The following HSD3B7 variants were observed in gnomAD, a reference collection of about 807,000 sequenced individuals.
HSD3B7 encodes the protein 3 beta-hydroxysteroid dehydrogenase type 7.
In HSD3B7, 35 loss-of-function variants were observed where a neutral mutation model predicts 34.3. The ratio of observed to expected loss-of-function variants is 1.02; its 90% CI spans 0.78 to 1.35. The LOEUF (loss-of-function observed/expected upper bound fraction) is 1.35. HSD3B7 is among the 40% of genes most tolerant of loss of function. The probability of loss-of-function intolerance (pLI) is 0.00; values close to 1 mark genes in which losing one functional copy is unlikely to be tolerated. For missense variants in HSD3B7, 426 were observed against 504.7 expected (o/e 0.84, Z 1.49); for synonymous variants, 217 against 220.1 (o/e 0.99, Z 0.13).
Position 30,988,406 on chromosome 16 carries a change from C to A in HSD3B7, c.*223C>A, listed in dbSNP as rs1029003747. 3.6e-6 allele frequency: 2 copies of A among 551,222 alleles called. No homozygotes were observed. The highest frequency in any genetic ancestry group is 6.5e-6 in the Non-Finnish European group (2 of 308,502). 34.1% of individuals were successfully genotyped at this position (551,222 alleles called of 1,614,324 possible). ...GGAGTGCAGTGGTGTGATCATAGCT[C>A]ACTGCACCCTCAACCTCCTGGGTTC... is the stretch of plus-strand genomic sequence containing the variant. On this transcript the variant is annotated 3_prime_UTR_variant, in exon 7 of 7. Coordinates refer to ENST00000297679, the MANE Select transcript of HSD3B7 (RefSeq NM_025193.4).
chr16:30,987,766 A>G lies in HSD3B7; in HGVS notation c.695-2A>G, dbSNP rs772393487. Reference sequence around the variant, plus strand: ...TGTCCGCCTCTCTTCCGCCACCGGCAGGCAATGTTGCCTGGATGCACGTGC... The same window carrying G: ...TGTCCGCCTCTCTTCCGCCACCGGCGGGCAATGTTGCCTGGATGCACGTGC... On this transcript the variant is annotated splice_acceptor_variant, in intron 6 of 6. Coordinates refer to ENST00000297679, the MANE Select transcript of HSD3B7 (RefSeq NM_025193.4). LOFTEE classifies it high-confidence loss of function. 2 of 1,611,758 alleles carry G rather than the reference A, an allele frequency of 1.2e-6. No individual in the cohort carries two copies. Among genetic ancestry groups the G allele is most frequent in the Non-Finnish European group, 1.7e-6 (2 of 1,179,982 alleles).
In HSD3B7 at chr16:30,988,444, T is replaced by C. The variant is rs1011515769; in HGVS notation, c.*261T>C. 1.7e-5 allele frequency: 8 copies of C among 473,232 alleles called. No homozygotes were observed. The highest frequency in any genetic ancestry group is 2.3e-5 in the Non-Finnish European group (6 of 260,530). 29.3% of individuals were successfully genotyped at this position (473,232 alleles called of 1,614,324 possible). A position where few individuals can be genotyped will look rare whatever the true frequency, so the allele number is the denominator to read the frequency against. On this transcript the variant is annotated 3_prime_UTR_variant, in exon 7 of 7. Coordinates refer to ENST00000297679, the MANE Select transcript of HSD3B7 (RefSeq NM_025193.4). ...ACCTCCTGGGTTCAAGCAATCCTCC[T>C]GCCTCAGCCTCCTGAACAGCTGGGA...
Position 30,988,388 on chromosome 16 carries a change from A to C in HSD3B7, c.*205A>C. On this transcript the variant is annotated 3_prime_UTR_variant, in exon 7 of 7. Coordinates refer to ENST00000297679, the MANE Select transcript of HSD3B7 (RefSeq NM_025193.4). Reference sequence around the variant, plus strand: ...TGCTCTGTCACCCAGACTGGAGTGCAGTGGTGTGATCATAGCTCACTGCAC... The same window carrying C: ...TGCTCTGTCACCCAGACTGGAGTGCCGTGGTGTGATCATAGCTCACTGCAC... 1.7e-6 allele frequency: 1 copy of C among 587,794 alleles called. No individual in the cohort carries two copies. The allele number at this position is 587,794 out of a possible 1,614,324, so 36.4% of individuals were successfully genotyped here.
At position 30,988,901 on chromosome 16, in the gene HSD3B7, G is replaced by T; in HGVS notation, c.*718G>T. On this transcript the variant is annotated 3_prime_UTR_variant, in exon 7 of 7. Coordinates refer to ENST00000297679, the MANE Select transcript of HSD3B7 (RefSeq NM_025193.4). ...CCACACGCGACCCTCGGTGCAGAGTGCAGAGGCGGCTCTGGTTCCTCCAGC... is the reference window on the plus strand; with the variant it reads ...CCACACGCGACCCTCGGTGCAGAGTTCAGAGGCGGCTCTGGTTCCTCCAGC... The T allele has an allele frequency of 6.6e-6, 1 of 152,444 alleles. No homozygotes were observed. The allele number at this position is 152,444 out of a possible 1,614,324, so 9.4% of individuals were successfully genotyped here.
chr16:30,988,204 G>A lies in HSD3B7; in HGVS notation c.*21G>A, dbSNP rs1175734699. Reference sequence around the variant, plus strand: ...AGTGACGGTGGGGCTGGGGCCTGGAGGCCCAGATACAGCACATCCACCCAG... The same window carrying A: ...AGTGACGGTGGGGCTGGGGCCTGGAAGCCCAGATACAGCACATCCACCCAG... On this transcript the variant is annotated 3_prime_UTR_variant, in exon 7 of 7. Transcript: ENST00000297679. 2.5e-6 allele frequency: 4 copies of A among 1,573,992 alleles called. No homozygotes were observed. The highest frequency in any genetic ancestry group is 1.4e-5 in the African/African-American group (1 of 73,930).
chr16:30,986,580 TGA>T, intron 4 of HSD3B7, 23 bp from the exon 5 acceptor site: 1 of 1,613,378 alleles, frequency 6.2e-7, no homozygotes, highest in Non-Finnish European at 8.5e-7. Context: ...CCCTCAGCAT[TGA>T]GTCTTCCTTC....
rs2056525730 is a variant in HSD3B7 at position 30,988,839 on chromosome 16, G to A, written c.*656G>A. On this transcript the variant is annotated 3_prime_UTR_variant, in exon 7 of 7. Coordinates refer to ENST00000297679, the MANE Select transcript of HSD3B7 (RefSeq NM_025193.4). Reference sequence around the variant, plus strand: ...TTCTGGCTTTCTGAGCAGGAAGCGAGCAGAGGCTCCACAGGCTTACGCTGC... The same window carrying A: ...TTCTGGCTTTCTGAGCAGGAAGCGAACAGAGGCTCCACAGGCTTACGCTGC... 6.5e-6 allele frequency: 1 copy of A among 152,876 alleles called. No individual in the cohort carries two copies. Among genetic ancestry groups the A allele is most frequent in the Non-Finnish European group, 1.5e-5 (1 of 68,562 alleles). 9.5% of individuals were successfully genotyped at this position (152,876 alleles called of 1,614,324 possible).
intron 1 of HSD3B7, 108 bp from the exon 2 acceptor site, chr16:30,985,545 C>T (rs751353899): frequency 2.0e-6 from 3 of 1,531,492 alleles, no homozygotes; most frequent in South Asian, 2.4e-5. Flanking sequence ...CAGCTCTGCC[C>T]TCCCCGCAAA....
At position 30,985,737 on chromosome 16, in the gene HSD3B7, C is replaced by T. The variant is rs139399987; in HGVS notation, c.79C>T (p.Arg27Ter). The change falls in exon 2 of 7, where the codon CGA becomes TGA. Residue 27 changes from arginine to a stop codon, truncating the protein, a stop_gained. Coordinates refer to ENST00000297679, the MANE Select transcript of HSD3B7 (RefSeq NM_025193.4). LOFTEE classifies it high-confidence loss of function. ...GCGFLGEHVV[R>*]MLLQREPRLG... ...TGGCTTCCTGGGAGAGCACGTGGTG[C>T]GAATGCTGCTGCAGCGGGAGCCCCG... 3.9e-5 allele frequency: 63 copies of T among 1,607,942 alleles called. No homozygotes were observed. The highest frequency in any genetic ancestry group is 5.2e-5 in the Non-Finnish European group (61 of 1,178,710).
At chr16:30,985,956 C>T in intron 2 of HSD3B7, 93 bp from the exon 3 acceptor site, 1 of 1,577,558 alleles carries the variant, frequency 6.3e-7, no homozygotes, top group Non-Finnish European at 8.7e-7. Flanking sequence ...GAGTGAGTCA[C>T]ATTGGGAACG....
At chr16:30,987,599 A>G in intron 6 of HSD3B7, 169 bp from the exon 7 acceptor site, 1 of 739,748 alleles carries the variant, frequency 1.4e-6, no homozygotes, top group Non-Finnish European at 2.3e-6. Context: ...CTGGCCCAGG[A>G]GAGCAAGTGA....
In HSD3B7 at chr16:30,988,092, G is replaced by T; in HGVS notation, c.1019G>T (p.Arg340Leu). 6.2e-7 allele frequency: 1 copy of T among 1,605,844 alleles called. No individual in the cohort carries two copies. ...ACCGTCAGCACCGACAAGGCTCAGC[G>T]CCATTTCGGCTATGAGCCCCTGTTC... ...TFTVSTDKAQRHFGYEPLFSW... is the reference protein window; with the variant it reads ...TFTVSTDKAQLHFGYEPLFSW... Residue 340 changes from arginine (R) to leucine (L), a missense_variant, in exon 7 of 7, where the codon CGC becomes CTC. Physicochemically the swap from Arg to Leu is moderately radical, Grantham distance 102 (BLOSUM62 -2). Coordinates refer to ENST00000297679, the MANE Select transcript of HSD3B7 (RefSeq NM_025193.4).
rs199909008 is a variant in HSD3B7, at chr16:30,986,526, C to T, written c.426C>T (p.Phe142=). The change falls in exon 4 of 7, where the codon TTC becomes TTT. Residue 142 remains phenylalanine, a synonymous_variant. Coordinates refer to ENST00000297679, the MANE Select transcript of HSD3B7 (RefSeq NM_025193.4). ...VVGPNTKGHP[F]YRGNEDTPYE... is the part of the protein sequence containing the mutation. ...GGCCTAACACCAAAGGTCACCCCTT[C>T]TACAGGTGAGTGGCAGGCCCTCTTG... 3 of 1,613,744 alleles carry T rather than the reference C, an allele frequency of 1.9e-6. No homozygotes were observed. The highest frequency in any genetic ancestry group is 4.5e-5 in the East Asian group (2 of 44,880).
intron 5 of HSD3B7, 39 bp downstream of exon 5, chr16:30,986,743 G>C (rs2056486162): frequency 6.2e-7 from 1 of 1,609,504 alleles, no homozygotes; most frequent in African/African-American, 1.3e-5. Flanking sequence ...TGGGGCTCCT[G>C]CCCTGCACAC....
chr16:30,986,026 C>T (rs932225573), intron 2 of HSD3B7, 23 bp from the exon 3 acceptor site: 1 of 1,611,582 alleles, frequency 6.2e-7, no homozygotes, highest in African/African-American at 1.3e-5. Context: ...CTGACATGGC[C>T]TGTGTCCTCC....
rs2056527523 is a variant in HSD3B7 at position 30,988,929 on chromosome 16, C to T, written c.*746C>T. ...GAGGCGGCTCTGGTTCCTCCAGCCA[C>T]CTCAGTCCCTCTTTGGGAGGTGATG... On this transcript the variant is annotated 3_prime_UTR_variant, in exon 7 of 7. Coordinates refer to ENST00000297679, the MANE Select transcript of HSD3B7 (RefSeq NM_025193.4). 1 of 152,288 alleles carries T rather than the reference C, an allele frequency of 6.6e-6. No homozygotes were observed. The allele number at this position is 152,288 out of a possible 1,614,324, so 9.4% of individuals were successfully genotyped here.
At chr16:30,987,261 G>A in intron 6 of HSD3B7, 5 of 515,776 alleles carry the variant, frequency 9.7e-6, no homozygotes, top group Non-Finnish European at 1.8e-5. Flanking sequence ...TTCCCCAGGA[G>A]AGGAGAGGAG....
chr16:30,985,337 T>C, intron 1 of HSD3B7, 40 bp downstream of exon 1: 1 of 1,249,772 alleles, frequency 8.0e-7, no homozygotes. Context: ...GGCCTTTCCC[T>C]CCATCCGGCC....
At position 30,988,134 on chromosome 16, in the gene HSD3B7, G is replaced by T. The variant is rs757174407; in HGVS notation, c.1061G>T (p.Arg354Leu). Residue 354 changes from arginine to leucine, a missense_variant, in exon 7 of 7, where the codon CGG becomes CTG. Physicochemically the swap from Arg to Leu is moderately radical, Grantham distance 102 (BLOSUM62 -2). Coordinates refer to ENST00000297679, the MANE Select transcript of HSD3B7 (RefSeq NM_025193.4). ...YEPLFSWEDS[R>L]TRTILWVQAA... ...CCCCTGTTCTCGTGGGAGGATAGCC[G>T]GACCCGTACCATTCTCTGGGTACAG... 1.2e-6 allele frequency: 2 copies of T among 1,606,450 alleles called. No individual in the cohort carries two copies. The highest frequency in any genetic ancestry group is 2.7e-5 in the African/African-American group (2 of 75,012).
Sources: allele counts gnomAD v4.1 joint callset, GRCh38; gene constraint gnomAD v4.1.1; transcripts MANE v1.5; gene names NCBI Gene and HGNC (gene_info 2026-07-23, HGNC 2026-07-21).